The following LRMDA variants were observed in gnomAD, a reference collection of about 807,000 sequenced individuals.
The protein encoded by LRMDA is leucine rich melanocyte differentiation associated, also known as leucine-rich melanocyte differentiation-associated protein.
In LRMDA, 18 loss-of-function variants were observed where a neutral mutation model predicts 29.8. The ratio of observed to expected loss-of-function variants is 0.60; its 90% CI spans 0.42 to 0.90. The LOEUF is 0.90. LRMDA is among the 40% of genes least tolerant of loss of function. LRMDA has a pLI of 0.00. For missense variants in LRMDA, 273 were observed against 273.9 expected, an observed-to-expected ratio of 1.00 and a Z score of 0.02; for synonymous variants, 125 against 109.4, an observed-to-expected ratio of 1.14 and a Z score of -0.89.
At chr10:76,058,858 A>G (rs1848659386) in intron 5 of LRMDA, 75 bp downstream of exon 5, 6 of 1,140,086 alleles carry the variant, frequency 5.3e-6, no homozygotes, top group Admixed American at 1.8e-5. Context: ...GGCATGCAGA[A>G]TGTCCTCTGA....
intron 5 of LRMDA, among the ~76,000 whole-genome samples, chr10:76,093,913 T>C (rs1166178810): frequency 6.6e-6 from 1 of 152,188 alleles, no homozygotes; most frequent in Non-Finnish European, 1.5e-5. Context: ...CATCTTGAGT[T>C]TCCTTCTCCC....
At position 76,357,381 on chromosome 10, in the gene LRMDA, T is replaced by C. The variant is rs113910465; in HGVS notation, c.601+32896T>C. 5.3e-5 allele frequency among the ~76,000 whole-genome samples: 8 copies of C among 152,294 alleles called. No homozygotes were observed. The East Asian group carries it at 9.7e-4, about 18-fold the overall frequency. ...AACCACGGAGTTCAGGTTGGCAGCA[T>C]GGAAATCTGATCCAGTTTTTACTCA... is the stretch of plus-strand genomic sequence containing the variant. On this transcript the variant is annotated intron_variant, in intron 6 of 6. Coordinates refer to ENST00000611255, the MANE Select transcript of LRMDA (RefSeq NM_001305581.2).
Position 76,558,537 on chromosome 10 carries a change from T to TTGA in LRMDA, c.*1251_*1253dup, listed in dbSNP as rs1843586866. On this transcript the variant is annotated 3_prime_UTR_variant, in exon 7 of 7. Transcript: ENST00000611255. The stretch of plus-strand genomic sequence containing the variant: ...ATCACTCTAGAAGATGTTCAAAAGG[T>TTGA]TGATTGATTGTTCTTGACACGATAG... 2 of 152,284 alleles carry TTGA rather than the reference T, an allele frequency of 1.3e-5. No individual in the cohort carries two copies. The highest frequency in any genetic ancestry group is 1.3e-4 in the Admixed American group (2 of 15,296). The allele number at this position is 152,284 out of a possible 1,614,324, so 9.4% of individuals were successfully genotyped here.
chr10:75,673,977 T>C (rs1841930994), intron 2 of LRMDA, among the ~76,000 whole-genome samples: 1 of 152,250 alleles, frequency 6.6e-6, no homozygotes, highest in Non-Finnish European at 1.5e-5. Flanking sequence ...AACTGTTGCC[T>C]TCCTTGAAGA....
chr10:76,318,304 A>G (rs1840725610), intron 5 of LRMDA: 1 of 151,640 alleles, frequency 6.6e-6, no homozygotes, highest in African/African-American at 2.4e-5. Context: ...CCTGCCTTTC[A>G]TAAATATTTG....
At chr10:76,255,223 A>G (rs1303588619) in intron 5 of LRMDA, among the ~76,000 whole-genome samples, 1 of 152,216 alleles carries the variant, frequency 6.6e-6, no homozygotes, top group Non-Finnish European at 1.5e-5. Flanking sequence ...ATGGTGCAAA[A>G]TGAACTTTTG....
chr10:76,365,209 A>T (rs1261992990), intron 6 of LRMDA, among the ~76,000 whole-genome samples: 3 of 150,990 alleles, frequency 2.0e-5, no homozygotes, highest in African/African-American at 7.3e-5. Flanking sequence ...TGCTCCTGTA[A>T]ACATGCATGT....
chr10:75,869,404 C>G (rs550076871), intron 2 of LRMDA, among the ~76,000 whole-genome samples: 1 of 152,178 alleles, frequency 6.6e-6, no homozygotes, highest in Non-Finnish European at 1.5e-5. Flanking sequence ...GGTGAGGGCA[C>G]ATTTCTATAT....
At chr10:76,198,199 T>C (rs796759777) in intron 5 of LRMDA, among the ~76,000 whole-genome samples, 3 of 152,240 alleles carry the variant, frequency 2.0e-5, no homozygotes, top group African/African-American at 7.2e-5. Context: ...GGTTGTCATC[T>C]GAAGCCTAGG....
At chr10:75,627,993 T>C (rs1467198233) in intron 2 of LRMDA, among the ~76,000 whole-genome samples, 2 of 152,246 alleles carry the variant, frequency 1.3e-5, no homozygotes, top group African/African-American at 2.4e-5. Context: ...ATCTCCAGCA[T>C]CCTGGATGGT....
chr10:76,268,307 T>C lies in LRMDA; in HGVS notation c.517-56094T>C, dbSNP rs531250490. 5.9e-5 allele frequency among the ~76,000 whole-genome samples: 9 copies of C among 152,318 alleles called. No individual in the cohort carries two copies. In the South Asian group the frequency reaches 1.9e-3, roughly 32 times the overall value. On this transcript the variant is annotated intron_variant, in intron 5 of 6. Coordinates refer to ENST00000611255, the MANE Select transcript of LRMDA (RefSeq NM_001305581.2). ...TAGTTTCCTCTCTGTCTTAAGCAGG[T>C]TGAAGTAGATCATCTCCTCCTGTTG...
rs188681316 is a variant in LRMDA, at chr10:76,360,176, C to T, written c.601+35691C>T. ...GCTAATTTTGTATTTTTAGGAGAGA[C>T]GGGGTTTCTCCATGTTGGTCAGGCT... is the stretch of plus-strand genomic sequence containing the variant. On this transcript the variant is annotated intron_variant, in intron 6 of 6. Coordinates refer to ENST00000611255, the MANE Select transcript of LRMDA (RefSeq NM_001305581.2). Among the ~76,000 whole-genome samples the T allele has an allele frequency of 2.0e-4, 31 of 151,918 alleles. No individual in the cohort carries two copies. In the East Asian group the frequency reaches 5.1e-3, roughly 25 times the overall value.
intron 2 of LRMDA, among the ~76,000 whole-genome samples, chr10:75,843,132 G>A (rs1844570578): frequency 6.6e-6 from 1 of 152,222 alleles, no homozygotes; most frequent in Non-Finnish European, 1.5e-5. Flanking sequence ...CTTGGGCCTG[G>A]CACAATGCCT....
intron 2 of LRMDA, among the ~76,000 whole-genome samples, chr10:75,514,181 C>A (rs1190573270): frequency 9.3e-6 from 1 of 107,732 alleles, no homozygotes; most frequent in Non-Finnish European, 2.0e-5. Context: ...TTTTTTTTTT[C>A]CTTTCTTCTT....
chr10:76,029,277 G>A, intron 2 of LRMDA, among the ~76,000 whole-genome samples: 1 of 152,082 alleles, frequency 6.6e-6, no homozygotes, highest in East Asian at 1.9e-4. Flanking sequence ...TTCTATGAAA[G>A]GTTTGGGCTA....
intron 2 of LRMDA, among the ~76,000 whole-genome samples, chr10:75,947,562 A>C (rs117202425): frequency 0.023 from 3,445 of 152,256 alleles, 71 homozygotes; most frequent in Non-Finnish European, 0.037. Flanking sequence ...GATGAGCCTG[A>C]CTTTGAGTCC....
At chr10:76,479,002 C>T (rs1842708814) in intron 6 of LRMDA, among the ~76,000 whole-genome samples, 1 of 151,608 alleles carries the variant, frequency 6.6e-6, no homozygotes, top group Admixed American at 6.6e-5. Flanking sequence ...ACAGATGTAA[C>T]AAACCTGCAC....
intron 6 of LRMDA, among the ~76,000 whole-genome samples, chr10:76,383,690 A>G (rs1037336608): frequency 6.6e-6 from 1 of 151,144 alleles, no homozygotes; most frequent in African/African-American, 2.4e-5. Context: ...TCGGCCTCCC[A>G]AAGTGCTGGG....
chr10:76,509,927 T>C (rs1842993529), intron 6 of LRMDA, among the ~76,000 whole-genome samples: 1 of 152,198 alleles, frequency 6.6e-6, no homozygotes, highest in Non-Finnish European at 1.5e-5. Flanking sequence ...AGCAGGTATA[T>C]GTAAAGGACA....
Sources: gnomAD v4.1 joint callset for allele counts (sites outside exome capture counted in the v4.1 genomes callset) on GRCh38, gnomAD v4.1.1 for gene constraint, MANE v1.5 for transcripts, NCBI Gene and HGNC (gene_info 2026-07-23, HGNC 2026-07-21) for gene names.